Variants in FBXO42 observed in about 807,000 individuals in gnomAD.
The protein encoded by FBXO42 is F-box only protein 42.
Under a neutral mutation model 71.7 loss-of-function variants are expected in FBXO42, and 12 were observed. The ratio of observed to expected loss-of-function variants is 0.17; its 90% CI spans 0.11 to 0.27. The LOEUF (loss-of-function observed/expected upper bound fraction) is 0.27, where lower values mean the gene tolerates loss of function less well. FBXO42 is among the 10% of genes least tolerant of loss of function. The pLI is 1.00. For missense variants in FBXO42, 707 were observed against 911.9 expected (o/e 0.78, Z 2.89); for synonymous variants, 325 against 327.5 (o/e 0.99, Z 0.08).
chr1:16,281,472 GTTTTTTTTTT>G (rs376419524), intron 4 of FBXO42, among the ~76,000 whole-genome samples: 2 of 136,252 alleles, frequency 1.5e-5, no homozygotes, highest in African/African-American at 5.7e-5. Flanking sequence ...TTCTTTTTTT[GTTTTTTTTTT>G]TTTTTGAGAT....
intron 1 of FBXO42, among the ~76,000 whole-genome samples, chr1:16,339,757 G>A (rs1275547696): frequency 2.0e-5 from 3 of 152,184 alleles, no homozygotes; most frequent in Admixed American, 6.6e-5. Flanking sequence ...GGACAGTGGT[G>A]TATATGCACA....
chr1:16,329,162 CAAAAAAA>C (rs1221377687), intron 1 of FBXO42, among the ~76,000 whole-genome samples: 1 of 60,444 alleles, frequency 1.7e-5, no homozygotes, highest in Non-Finnish European at 3.3e-5. Context: ...GACTCTGTCT[CAAAAAAA>C]AAAAAAAAAA....
At chr1:16,305,703 G>T in intron 3 of FBXO42, 100 bp downstream of exon 3, 1 of 993,696 alleles carries the variant, frequency 1.0e-6, no homozygotes, top group Non-Finnish European at 1.6e-6. Context: ...GATAGAGTGA[G>T]ACCTTGTCTC....
At chr1:16,271,978 A>G (rs1288449994) in intron 4 of FBXO42, among the ~76,000 whole-genome samples, 1 of 141,874 alleles carries the variant, frequency 7.0e-6, no homozygotes, top group Non-Finnish European at 1.5e-5. Context: ...GTTTCTACCA[A>G]AAAAAAAAAA....
At chr1:16,338,354 CAAAA>C (rs55865669) in intron 1 of FBXO42, among the ~76,000 whole-genome samples, 1 of 108,150 alleles carries the variant, frequency 9.2e-6, no homozygotes, top group Non-Finnish European at 1.8e-5. Context: ...GCCCTATCTC[CAAAA>C]AAAAAAAAAA....
At chr1:16,301,845 T>A (rs2082198639) in intron 3 of FBXO42, among the ~76,000 whole-genome samples, 1 of 152,092 alleles carries the variant, frequency 6.6e-6, no homozygotes, top group African/African-American at 2.4e-5. Context: ...GTTGCCCAAA[T>A]TGGTCTCAAA....
intron 2 of FBXO42, among the ~76,000 whole-genome samples, chr1:16,314,443 G>A (rs74055520): frequency 0.027 from 4,060 of 152,202 alleles, 184 homozygotes; most frequent in African/African-American, 0.09. Context: ...TTTACTATCC[G>A]TGTAAATAAG....
intron 3 of FBXO42, among the ~76,000 whole-genome samples, chr1:16,303,466 C>T (rs565477827): frequency 2.0e-5 from 3 of 152,152 alleles, no homozygotes; most frequent in Non-Finnish European, 4.4e-5. Context: ...TACAGATTTC[C>T]GAATGTCAGA....
At chr1:16,328,365 C>T (rs2082468205) in intron 1 of FBXO42, among the ~76,000 whole-genome samples, 1 of 152,172 alleles carries the variant, frequency 6.6e-6, no homozygotes, top group Non-Finnish European at 1.5e-5. Flanking sequence ...CTCTACTTGA[C>T]AAAGTTGTTT....
chr1:16,324,842 T>G (rs1461290241), intron 1 of FBXO42, among the ~76,000 whole-genome samples: 1 of 151,372 alleles, frequency 6.6e-6, no homozygotes, highest in African/African-American at 2.4e-5. Context: ...ACAACAAAAA[T>G]AAAGAAGAGG....
chr1:16,274,336 A>C (rs2081875433), intron 4 of FBXO42, among the ~76,000 whole-genome samples: 1 of 151,998 alleles, frequency 6.6e-6, no homozygotes, highest in Non-Finnish European at 1.5e-5. Flanking sequence ...AGAAAAGAAA[A>C]GAAAAAAAGA....
At chr1:16,263,754 C>CA (rs1057340742) in intron 4 of FBXO42, among the ~76,000 whole-genome samples, 1 of 148,800 alleles carries the variant, frequency 6.7e-6, no homozygotes, top group Non-Finnish European at 1.5e-5. Flanking sequence ...ACCGAAAAAC[C>CA]AAAAAACAAA....
chr1:16,264,633 G>A (rs1256036155), intron 4 of FBXO42, among the ~76,000 whole-genome samples: 1 of 152,172 alleles, frequency 6.6e-6, no homozygotes, highest in Non-Finnish European at 1.5e-5. Flanking sequence ...CCTAGAGCCA[G>A]GAGTCACCCT....
chr1:16,273,747 T>C (rs1342539894), intron 4 of FBXO42, among the ~76,000 whole-genome samples: 1 of 151,874 alleles, frequency 6.6e-6, no homozygotes, highest in Non-Finnish European at 1.5e-5. Context: ...GGTGTGGTGA[T>C]GCACATCTGT....
intron 1 of FBXO42, among the ~76,000 whole-genome samples, chr1:16,339,934 T>C (rs4661739): frequency 0.96 from 146,251 of 152,160 alleles, 70,545 homozygotes; most frequent in East Asian, 1. Context: ...GCCTGGGTGA[T>C]AAAGCAAGAC....
chr1:16,328,056 T>C (rs1040289220), intron 1 of FBXO42, among the ~76,000 whole-genome samples: 1 of 152,164 alleles, frequency 6.6e-6, no homozygotes, highest in African/African-American at 2.4e-5. Context: ...CAGCTTATAC[T>C]GACAAGTGCC....
At chr1:16,279,770 GA>G in intron 4 of FBXO42, among the ~76,000 whole-genome samples, 1 of 151,380 alleles carries the variant, frequency 6.6e-6, no homozygotes, top group South Asian at 2.1e-4. Flanking sequence ...CTCTACAGTG[GA>G]AAATCAAATG....
At chr1:16,329,978 T>G (rs1238259389) in intron 1 of FBXO42, among the ~76,000 whole-genome samples, 1 of 152,028 alleles carries the variant, frequency 6.6e-6, no homozygotes, top group Non-Finnish European at 1.5e-5. Flanking sequence ...GGGGGGAATC[T>G]CCCCTGCAGA....
At chr1:16,271,954 C>T (rs773887946) in intron 4 of FBXO42, among the ~76,000 whole-genome samples, 18 of 146,970 alleles carry the variant, frequency 1.2e-4, no homozygotes, top group Non-Finnish European at 2.5e-4. Flanking sequence ...GCCTAGCCAA[C>T]ATGGTGAAAC....
Sources: allele counts gnomAD v4.1 joint callset (sites outside exome capture counted in the v4.1 genomes callset), GRCh38; gene constraint gnomAD v4.1.1; transcripts MANE v1.5; gene names NCBI Gene and HGNC (gene_info 2026-07-23, HGNC 2026-07-21).